Variants in CCDC12 observed in about 807,000 individuals in gnomAD.
CCDC12 encodes the protein coiled-coil domain containing 12.
CCDC12 carries 28 observed loss-of-function variants against 25.7 expected under a neutral mutation model. That is an observed-to-expected ratio of 1.09 (90% CI 0.81 to 1.50). The LOEUF is 1.50. Among genes scored for constraint, CCDC12 ranks in the 40% most tolerant of loss-of-function variants. The pLI, the probability that CCDC12 is intolerant of heterozygous loss-of-function variation, is 0.00. For synonymous variants in CCDC12, 75 were observed against 87.7 expected, an observed-to-expected ratio of 0.86 and a Z score of 0.81; for missense variants, 198 against 210.0, an observed-to-expected ratio of 0.94 and a Z score of 0.35.
rs757471422 is a variant in CCDC12, at chr3:46,976,729, C to G, written c.4G>C (p.Glu2Gln). The G allele has an allele frequency of 1.2e-6, 2 of 1,606,144 alleles. No individual in the cohort carries two copies. The highest frequency in any genetic ancestry group is 1.7e-6 in the Non-Finnish European group (2 of 1,176,386). The change falls in exon 1 of 7, where the codon GAG becomes CAG. Residue 2 changes from glutamate (E) to glutamine (Q), a missense_variant. Coordinates refer to ENST00000683445, the MANE Select transcript of CCDC12 (RefSeq NM_001277074.2). ...CGGCCCACACCAGCCGTAGTTGCCT[C>G]CATCTTGCCCGCGTACGCCCCTCCT... M[E>Q]ATTAGVGRLE...
intron 2 of CCDC12, among the ~76,000 whole-genome samples, chr3:46,935,621 G>A (rs546913171): frequency 6.6e-6 from 1 of 152,310 alleles, no homozygotes; most frequent in African/African-American, 2.4e-5. Flanking sequence ...AGGGGGCTGG[G>A]GGAAGGGAGC....
At chr3:46,940,061 C>G (rs2033637362) in intron 2 of CCDC12, among the ~76,000 whole-genome samples, 1 of 152,164 alleles carries the variant, frequency 6.6e-6, no homozygotes, top group South Asian at 2.1e-4. Context: ...CAGTCTGGCC[C>G]CAGGAAGAGA....
chr3:46,954,740 A>G (rs2034234388), intron 1 of CCDC12, among the ~76,000 whole-genome samples: 1 of 152,158 alleles, frequency 6.6e-6, no homozygotes, highest in Non-Finnish European at 1.5e-5. Context: ...CCTGGCCAAC[A>G]TGGTGAAACC....
chr3:46,939,133 A>C (rs2033587220), intron 2 of CCDC12, among the ~76,000 whole-genome samples: 2 of 152,198 alleles, frequency 1.3e-5, no homozygotes, highest in African/African-American at 4.8e-5. Context: ...CAGACAACCA[A>C]TAAAGTCAGT....
At chr3:46,924,843 ATAAC>A (rs2032870961) in intron 3 of CCDC12, 1 of 154,794 alleles carries the variant, frequency 6.5e-6, no homozygotes, top group South Asian at 1.8e-4. Context: ...AATAAAATAA[ATAAC>A]AAACATAAAG....
At chr3:46,978,841 G>A (rs187643916), upstream of CCDC12, among the ~76,000 whole-genome samples, 1 of 152,196 alleles carries the variant, frequency 6.6e-6, no homozygotes, top group Non-Finnish European at 1.5e-5. Context: ...AAATTAGCTG[G>A]GCCTGGTGAC....
upstream of CCDC12, among the ~76,000 whole-genome samples, chr3:46,978,972 G>C (rs1002352437): frequency 1.3e-5 from 2 of 152,110 alleles, no homozygotes; most frequent in Admixed American, 6.5e-5. Context: ...GACAGAGTGA[G>C]ACTCTGTCTC....
chr3:46,933,633 T>C (rs1370142033), intron 2 of CCDC12, among the ~76,000 whole-genome samples: 3 of 152,206 alleles, frequency 2.0e-5, no homozygotes, highest in Non-Finnish European at 1.5e-5. Flanking sequence ...GTTTGAACTT[T>C]GCACCCATCC....
intron 2 of CCDC12, among the ~76,000 whole-genome samples, chr3:46,937,954 G>A (rs1336158124): frequency 6.6e-6 from 1 of 152,124 alleles, no homozygotes; most frequent in African/African-American, 2.4e-5. Context: ...AGGCTTCCTG[G>A]CAACCAAGGG....
chr3:46,978,580 C>T (rs1054303386), upstream of CCDC12, among the ~76,000 whole-genome samples: 5 of 145,482 alleles, frequency 3.4e-5, no homozygotes, highest in South Asian at 2.3e-4. Context: ...GAAGGGGGCA[C>T]GGGGTGATGG....
rs869066470 is a variant in CCDC12 at position 46,950,481 on chromosome 3, CTTT to C, written c.97-9419_97-9417del. Among the ~76,000 whole-genome samples, 611 of 122,140 alleles carry C rather than the reference CTTT, an allele frequency of 5.0e-3. 6 individuals carry two copies. Among genetic ancestry groups the C allele is most frequent in the South Asian group, 0.038 (137 of 3,596 alleles). 80.1% of individuals were successfully genotyped at this position (122,140 alleles called of 152,430 possible). A position where few individuals can be genotyped will look rare whatever the true frequency, so the allele number is the denominator to read the frequency against. On this transcript the variant is annotated intron_variant, in intron 1 of 6. Coordinates refer to ENST00000683445, the MANE Select transcript of CCDC12 (RefSeq NM_001277074.2). Reference sequence around the variant, plus strand: ...TACAGGGGCATGCCACCATGCACAGCTTTTTTTTTTTTTTTGGGGTAGAGACAG... The same window carrying C: ...TACAGGGGCATGCCACCATGCACAGCTTTTTTTTTTTTGGGGTAGAGACAG...
intron 1 of CCDC12, among the ~76,000 whole-genome samples, chr3:46,950,998 CG>C (rs1212665679): frequency 6.6e-6 from 1 of 151,872 alleles, no homozygotes; most frequent in Non-Finnish European, 1.5e-5. Flanking sequence ...CCCAGCATTT[CG>C]GGAGGCCGAG....
Position 46,975,806 on chromosome 3 carries a change from T to C in CCDC12, c.96+831A>G, listed in dbSNP as rs1411576872. On this transcript the variant is annotated intron_variant, in intron 1 of 6. Coordinates refer to ENST00000683445, the MANE Select transcript of CCDC12 (RefSeq NM_001277074.2). ...TCGGCCTCCCAAAGTACTGGGCGCG[T>C]GAGCCACCGCGCCCGGCTAAATCTT... Among the ~76,000 whole-genome samples, 4 of 146,882 alleles carry C rather than the reference T, an allele frequency of 2.7e-5. No homozygotes were observed. In the South Asian group the frequency reaches 6.5e-4, roughly 24 times the overall value.
intron 1 of CCDC12, among the ~76,000 whole-genome samples, chr3:46,945,441 C>G (rs1377768819): frequency 6.6e-6 from 1 of 152,236 alleles, no homozygotes. Context: ...GCCCTCACCT[C>G]CTCCCAGAGC....
chr3:46,962,851 C>T (rs551010014), intron 1 of CCDC12, among the ~76,000 whole-genome samples: 62 of 152,138 alleles, frequency 4.1e-4, no homozygotes, highest in Admixed American at 7.9e-4. Context: ...CTAGCAATTC[C>T]ACTCCTAGGC....
At chr3:46,976,752 C>A (rs1217689789), upstream of CCDC12, 2 of 1,592,812 alleles carry the variant, frequency 1.3e-6, no homozygotes, top group Non-Finnish European at 8.5e-7. Flanking sequence ...GTACGCCCCT[C>A]CTTTTCTCCC....
chr3:46,951,825 T>TATATATATATATATATATA, intron 1 of CCDC12, among the ~76,000 whole-genome samples: 4 of 30,060 alleles, frequency 1.3e-4, no homozygotes, highest in Non-Finnish European at 3.0e-4. Flanking sequence ...ATATATATAC[T>TATATATATATATATATATA]TAATGAGGAT....
In CCDC12 at chr3:46,976,643, C is replaced by T. The variant is rs1457892556; in HGVS notation, c.90G>A (p.Gly30=). The T allele has an allele frequency of 1.9e-6, 3 of 1,610,982 alleles. No individual in the cohort carries two copies. The highest frequency in any genetic ancestry group is 2.5e-6 in the Non-Finnish European group (3 of 1,178,604). ...CTCACTCCACACTTCTCACCTTGCG[C>T]CCGGTTTTCTCCCGTAGGGCCTTCA... ...ERLKALREKT[G]RKDKEDGEPK... The change falls in exon 1 of 7, where the codon GGG becomes GGA. Residue 30 remains glycine, a synonymous_variant. Coordinates refer to ENST00000683445, the MANE Select transcript of CCDC12 (RefSeq NM_001277074.2).
At chr3:46,924,088 G>A (rs1381932791) in intron 3 of CCDC12, 1 of 162,326 alleles carries the variant, frequency 6.2e-6, no homozygotes, top group African/African-American at 2.4e-5. Context: ...CCCACCTCAG[G>A]TGTATGCTCC....
Sources: gnomAD v4.1 joint callset for allele counts (sites outside exome capture counted in the v4.1 genomes callset) on GRCh38, gnomAD v4.1.1 for gene constraint, MANE v1.5 for transcripts, NCBI Gene and HGNC (gene_info 2026-07-23, HGNC 2026-07-21) for gene names.